The following KDM3B variants were observed in gnomAD, a reference collection of about 807,000 sequenced individuals.
The protein encoded by KDM3B is lysine-specific demethylase 3B.
KDM3B carries 10 observed loss-of-function variants against 170.0 expected under a neutral mutation model. The observed-to-expected ratio is 0.06, with a 90% confidence interval of 0.04 to 0.10. KDM3B has a LOEUF of 0.10. Among genes scored for constraint, KDM3B ranks in the 10% least tolerant of loss-of-function variants. The pLI is 1.00. For synonymous variants in KDM3B, 831 were observed against 834.8 expected (o/e 1.00, Z 0.08); for missense variants, 1,394 against 2,195.2 (o/e 0.64, Z 7.29).
chr5:138,395,260 G>T (rs1019459705), intron 9 of KDM3B, among the ~76,000 whole-genome samples: 2 of 152,178 alleles, frequency 1.3e-5, no homozygotes, highest in East Asian at 3.9e-4. Flanking sequence ...GTCAGTCTAA[G>T]TGAGATCAGA....
In KDM3B at chr5:138,420,725, G is replaced by A. The variant is rs1763250782; in HGVS notation, c.3735G>A (p.Ser1245=). 7 of 1,613,988 alleles carry A rather than the reference G, an allele frequency of 4.3e-6. No individual in the cohort carries two copies. The highest frequency in any genetic ancestry group is 1.1e-5 in the South Asian group (1 of 91,066). ...EETKEAGSLR[S]VLNKESHSPF... The stretch of plus-strand genomic sequence containing the variant: ...TTACAGAAGCAGGGTCCCTGAGGTC[G>A]GTGCTCAATAAAGAGTCTCATTCAC... Residue 1245 remains serine (S), a synonymous_variant, in exon 15 of 24, where the codon TCG becomes TCA. Coordinates refer to ENST00000314358, the MANE Select transcript of KDM3B (RefSeq NM_016604.4).
intron 1 of KDM3B, among the ~76,000 whole-genome samples, chr5:138,367,692 GATCATGGTTTGTATTAATCAGGCTTTT>G (rs1307434466): frequency 2.6e-5 from 4 of 152,102 alleles, no homozygotes; most frequent in African/African-American, 7.2e-5. Context: ...TTTCTTAGCT[GATCATGGTTTGTATTAATCAGGCTTTT>G]AAAAAATTAT....
At chr5:138,423,925 C>T in intron 15 of KDM3B, 150 bp from the exon 16 acceptor site, 2 of 664,022 alleles carry the variant, frequency 3.0e-6, no homozygotes, top group Admixed American at 5.6e-5. Flanking sequence ...TTATTATCCC[C>T]CTTCCAGTTG....
chr5:138,428,363 C>T (rs1763448279), intron 20 of KDM3B, among the ~76,000 whole-genome samples: 1 of 152,086 alleles, frequency 6.6e-6, no homozygotes, highest in African/African-American at 2.4e-5. Flanking sequence ...AGGTGCCTGC[C>T]ACCACGCCCG....
At chr5:138,376,564 T>C (rs936423211) in intron 3 of KDM3B, among the ~76,000 whole-genome samples, 1 of 151,722 alleles carries the variant, frequency 6.6e-6, no homozygotes, top group African/African-American at 2.4e-5. Flanking sequence ...ATTAGCTGGG[T>C]GTCGTGGTGG....
chr5:138,415,869 T>C (rs903152951), intron 12 of KDM3B, among the ~76,000 whole-genome samples: 2 of 152,168 alleles, frequency 1.3e-5, no homozygotes, highest in Non-Finnish European at 2.9e-5. Flanking sequence ...TGTGGTTGGC[T>C]GGACCAGAAT....
chr5:138,379,182 T>G (rs900360034), intron 4 of KDM3B, among the ~76,000 whole-genome samples: 1 of 152,196 alleles, frequency 6.6e-6, no homozygotes, highest in Admixed American at 6.5e-5. Flanking sequence ...CACTTTCAAC[T>G]TAGTGGCCTC....
chr5:138,415,080 A>C, intron 11 of KDM3B, 52 bp from the exon 12 acceptor site: 316 of 1,125,176 alleles, frequency 2.8e-4, no homozygotes, highest in Non-Finnish European at 3.8e-4. Flanking sequence ...TTCACTGAGA[A>C]GGATCCATTT....
chr5:138,427,836 A>C (rs1045776915), intron 19 of KDM3B, 131 bp from the exon 20 acceptor site: 4 of 825,928 alleles, frequency 4.8e-6, no homozygotes, highest in Non-Finnish European at 7.7e-6. Context: ...ATTTCTTCAT[A>C]AACAAATAGA....
rs1029541214 is a variant in KDM3B at position 138,425,355 on chromosome 5, C to T, written c.4240-56C>T. Reference sequence around the variant, plus strand: ...GAAACCCTCCTATTCTGTCTCAGCCCTAGAGCTGGAAGTTTTTCCTAGATT... The same window carrying T: ...GAAACCCTCCTATTCTGTCTCAGCCTTAGAGCTGGAAGTTTTTCCTAGATT... On this transcript the variant is annotated intron_variant, in intron 16 of 23. Transcript: ENST00000314358. The T allele has an allele frequency of 7.0e-6, 11 of 1,563,296 alleles. No homozygotes were observed. The Admixed American group carries it at 9.1e-5, about 13-fold the overall frequency.
chr5:138,363,964 T>TAG lies in KDM3B; in HGVS notation c.193-8707_193-8706dup, dbSNP rs1761681704. 2.0e-5 allele frequency among the ~76,000 whole-genome samples: 3 copies of TAG among 150,574 alleles called. No homozygotes were observed. In the South Asian group the frequency reaches 6.3e-4, roughly 32 times the overall value. Reference sequence around the variant, plus strand: ...GTCTCACTCACTCTGTCGCCTAGGCTAGAGTGCAGTGGCACGATCTGTGCT... The same window carrying TAG: ...GTCTCACTCACTCTGTCGCCTAGGCTAGAGAGTGCAGTGGCACGATCTGTGCT... On this transcript the variant is annotated intron_variant, in intron 1 of 23. Transcript: ENST00000314358.
Position 138,391,936 on chromosome 5 carries a change from C to T in KDM3B, c.2304C>T (p.Val768=). Residue 768 remains valine (V), a synonymous_variant, in exon 8 of 24, where the codon GTC becomes GTT. Coordinates refer to ENST00000314358, the MANE Select transcript of KDM3B (RefSeq NM_016604.4). The surrounding 1 kb of genome is among the most constrained non-coding windows in gnomAD (Gnocchi z 5.0). ...CCCTCCTCAAAACCTTTAGTAACGT[C>T]TTTGGCAGGCACTCAGGCGGCTTTC... ...DNPLLKTFSN[V]FGRHSGGFLS... 6.2e-7 allele frequency: 1 copy of T among 1,612,578 alleles called. No homozygotes were observed. The highest frequency in any genetic ancestry group is 8.5e-7 in the Non-Finnish European group (1 of 1,178,674).
At chr5:138,403,162 A>G (rs922987642) in intron 11 of KDM3B, among the ~76,000 whole-genome samples, 1 of 152,244 alleles carries the variant, frequency 6.6e-6, no homozygotes, top group African/African-American at 2.4e-5. Flanking sequence ...CAAACTGATT[A>G]GCAAGTTACA....
chr5:138,374,299 G>A (rs1761941921), intron 2 of KDM3B: 1 of 441,042 alleles, frequency 2.3e-6, no homozygotes, highest in South Asian at 1.6e-5. Flanking sequence ...TTTCGTTCTT[G>A]TTGCTCAGGC....
At chr5:138,372,882 C>G in intron 2 of KDM3B, 41 bp downstream of exon 2, 1 of 1,556,696 alleles carries the variant, frequency 6.4e-7, no homozygotes, top group Non-Finnish European at 8.8e-7. Flanking sequence ...CTGAGCTTTA[C>G]TCCTATAATA....
intron 6 of KDM3B, 55 bp from the exon 7 acceptor site, chr5:138,385,967 T>G: frequency 6.5e-7 from 1 of 1,538,932 alleles, no homozygotes. Flanking sequence ...TAATGGTGTG[T>G]GGTATTCACA....
chr5:138,355,257 A>G (rs1761421187), intron 1 of KDM3B, among the ~76,000 whole-genome samples: 1 of 152,214 alleles, frequency 6.6e-6, no homozygotes, highest in Non-Finnish European at 1.5e-5. Context: ...TGAGTAATTG[A>G]GGGTTGGATG....
chr5:138,373,727 C>T (rs1408542892), intron 2 of KDM3B, among the ~76,000 whole-genome samples: 3 of 152,222 alleles, frequency 2.0e-5, no homozygotes, highest in East Asian at 1.9e-4. Context: ...TCAAGCAGTC[C>T]ACCTGCTTCA....
At chr5:138,368,239 T>C (rs558810121) in intron 1 of KDM3B, among the ~76,000 whole-genome samples, 8 of 151,248 alleles carry the variant, frequency 5.3e-5, no homozygotes, top group Non-Finnish European at 7.4e-5. Context: ...TTCTTTCTTT[T>C]TTTTTTTTTT....
Sources: gnomAD v4.1 joint callset for allele counts (sites outside exome capture counted in the v4.1 genomes callset) on GRCh38, gnomAD v4.1.1 for gene constraint, Gnocchi (gnomAD v3.1) non-coding constraint, MANE v1.5 for transcripts, NCBI Gene and HGNC (gene_info 2026-07-23, HGNC 2026-07-21) for gene names.